The following PPM1E variants were observed in gnomAD, a reference collection of about 807,000 sequenced individuals.
PPM1E encodes the protein protein phosphatase 1E.
PPM1E carries 20 observed loss-of-function variants against 65.9 expected under a neutral mutation model. That is an observed-to-expected ratio of 0.30 (90% confidence interval 0.21 to 0.44). PPM1E has a LOEUF of 0.44. Among genes scored for constraint, PPM1E ranks in the 20% least tolerant of loss-of-function variants. PPM1E has a pLI of 1.00. For missense variants in PPM1E, 713 were observed against 953.1 expected, an observed-to-expected ratio of 0.75 and a Z score of 3.32; for synonymous variants, 352 against 374.9, an observed-to-expected ratio of 0.94 and a Z score of 0.70.
intron 1 of PPM1E, among the ~76,000 whole-genome samples, chr17:58,942,234 C>T (rs894525094): frequency 6.6e-6 from 1 of 151,530 alleles, no homozygotes; most frequent in Admixed American, 6.6e-5. Flanking sequence ...AAACAAAAAA[C>T]GGGGCATGGG....
At chr17:58,883,675 C>T (rs1436236788) in intron 1 of PPM1E, among the ~76,000 whole-genome samples, 1 of 151,222 alleles carries the variant, frequency 6.6e-6, no homozygotes. Context: ...TTAGTAGAGA[C>T]GGGGTTTCAC....
At chr17:58,890,789 C>T (rs1251433553) in intron 1 of PPM1E, among the ~76,000 whole-genome samples, 2 of 152,084 alleles carry the variant, frequency 1.3e-5, no homozygotes, top group Non-Finnish European at 1.5e-5. Flanking sequence ...CTTAAATACT[C>T]ATTGAGTATG....
At chr17:58,805,967 AAAAAAACAAAAAAAAAAC>A (rs1567838793) in intron 1 of PPM1E, among the ~76,000 whole-genome samples, 33 of 113,812 alleles carry the variant, frequency 2.9e-4, no homozygotes, top group African/African-American at 5.9e-4. Flanking sequence ...AAAACAAAAA[AAAAAAACAAAAAAAAAAC>A]AAAACAAAAC....
At chr17:58,783,549 A>G (rs993143193) in intron 1 of PPM1E, among the ~76,000 whole-genome samples, 5 of 152,224 alleles carry the variant, frequency 3.3e-5, no homozygotes, top group African/African-American at 9.6e-5. Flanking sequence ...AAATGACAGC[A>G]GTATCAGCCC....
At chr17:58,774,005 T>TA (rs2144184093) in intron 1 of PPM1E, among the ~76,000 whole-genome samples, 1 of 152,026 alleles carries the variant, frequency 6.6e-6, no homozygotes, top group East Asian at 1.9e-4. Flanking sequence ...CTACTAAAAA[T>TA]ACAAAAATTA....
chr17:58,895,539 G>A (rs2051401911), intron 1 of PPM1E, among the ~76,000 whole-genome samples: 2 of 152,152 alleles, frequency 1.3e-5, no homozygotes, highest in South Asian at 4.1e-4. Flanking sequence ...CTGTGTGATG[G>A]CTCATGCCTG....
chr17:58,952,114 A>T (rs2052247757), intron 1 of PPM1E, among the ~76,000 whole-genome samples: 1 of 152,202 alleles, frequency 6.6e-6, no homozygotes. Flanking sequence ...TGTAATCTGC[A>T]CTAGTGATGT....
intron 1 of PPM1E, among the ~76,000 whole-genome samples, chr17:58,791,052 G>A (rs976201181): frequency 6.6e-6 from 1 of 151,900 alleles, no homozygotes; most frequent in African/African-American, 2.4e-5. Context: ...ACCCTGCCCG[G>A]CTAATTTTTT....
chr17:58,792,868 C>T (rs1457460246), intron 1 of PPM1E, among the ~76,000 whole-genome samples: 1 of 148,092 alleles, frequency 6.8e-6, no homozygotes, highest in Non-Finnish European at 1.5e-5. Flanking sequence ...ATTCTCCTGC[C>T]TAAGCATCCT....
chr17:58,798,041 T>A (rs529625038), intron 1 of PPM1E, among the ~76,000 whole-genome samples: 86 of 152,306 alleles, frequency 5.6e-4, no homozygotes, highest in Admixed American at 3.2e-3. Context: ...ATTTTGAGGA[T>A]CTTTTCATGT....
intron 2 of PPM1E, among the ~76,000 whole-genome samples, chr17:58,962,302 A>C (rs1188951635): frequency 1.3e-5 from 2 of 152,134 alleles, no homozygotes; most frequent in East Asian, 3.8e-4. Flanking sequence ...AAAAAAAAGA[A>C]AAATGTAACC....
intron 1 of PPM1E, among the ~76,000 whole-genome samples, chr17:58,776,137 C>T (rs1387728206): frequency 1.3e-5 from 2 of 152,026 alleles, no homozygotes; most frequent in African/African-American, 2.4e-5. Context: ...CCAGCCTGGG[C>T]AACATAGTGA....
intron 1 of PPM1E, among the ~76,000 whole-genome samples, chr17:58,770,691 A>G (rs2049928884): frequency 6.6e-6 from 1 of 152,172 alleles, no homozygotes; most frequent in South Asian, 2.1e-4. Context: ...TAAGTATTAC[A>G]TTAAGTAATT....
chr17:58,802,930 T>C (rs2050272495), intron 1 of PPM1E, among the ~76,000 whole-genome samples: 1 of 152,126 alleles, frequency 6.6e-6, no homozygotes, highest in South Asian at 2.1e-4. Context: ...AGTTCTTTTG[T>C]GGAGTCTTTA....
intron 1 of PPM1E, among the ~76,000 whole-genome samples, chr17:58,884,215 T>C (rs1299094856): frequency 3.9e-5 from 6 of 152,338 alleles, no homozygotes; most frequent in African/African-American, 1.4e-4. Flanking sequence ...TTCTTAAATA[T>C]CTTTCATCCA....
intron 1 of PPM1E, among the ~76,000 whole-genome samples, chr17:58,905,318 T>A (rs2051545557): frequency 6.6e-6 from 1 of 152,198 alleles, no homozygotes; most frequent in Non-Finnish European, 1.5e-5. Flanking sequence ...TTGTTTACCA[T>A]TAAGTGTGAA....
chr17:58,851,160 C>G (rs1683163945), intron 1 of PPM1E, among the ~76,000 whole-genome samples: 1 of 152,130 alleles, frequency 6.6e-6, no homozygotes, highest in Admixed American at 6.5e-5. Flanking sequence ...AATGTTTATT[C>G]TAGTTAGCCG....
chr17:58,826,862 C>T (rs192090509), intron 1 of PPM1E, among the ~76,000 whole-genome samples: 1 of 152,036 alleles, frequency 6.6e-6, no homozygotes, highest in Admixed American at 6.6e-5. Flanking sequence ...ATCCCCTGAC[C>T]TTGTGATCCG....
chr17:58,819,787 A>G (rs2050461805), intron 1 of PPM1E, among the ~76,000 whole-genome samples: 1 of 152,070 alleles, frequency 6.6e-6, no homozygotes, highest in Non-Finnish European at 1.5e-5. Context: ...CTGTAATCGC[A>G]GCACTTTGGG....
Sources: gnomAD v4.1 joint callset for allele counts (sites outside exome capture counted in the v4.1 genomes callset) on GRCh38, gnomAD v4.1.1 for gene constraint, MANE v1.5 for transcripts, NCBI Gene and HGNC (gene_info 2026-07-23, HGNC 2026-07-21) for gene names.